Variants in NHS observed in about 807,000 individuals in gnomAD.
NHS encodes actin remodeling regulator NHS.
NHS carries 5 observed loss-of-function variants against 72.5 expected under a neutral mutation model. The observed-to-expected ratio is 0.07, with a 90% CI of 0.04 to 0.14. The LOEUF is 0.14. Ranked by LOEUF, NHS falls within the 10% of genes least tolerant of loss-of-function variation. NHS has a pLI of 1.00. For missense variants in NHS, 1,072 were observed against 1,355.7 expected, an observed-to-expected ratio of 0.79 and a Z score of 3.29; for synonymous variants, 464 against 547.7, an observed-to-expected ratio of 0.85 and a Z score of 2.13.
intron 1 of NHS, among the ~76,000 whole-genome samples, chrX:17,583,563 A>G (rs908212933): frequency 2.7e-5 from 3 of 112,480 alleles, no homozygotes; most frequent in African/African-American, 9.7e-5. Flanking sequence ...TATTTCCGCC[A>G]AAGGAATGAC....
At chrX:17,708,656 T>C (rs753537201) in intron 3 of NHS, among the ~76,000 whole-genome samples, 1 of 111,018 alleles carries the variant, frequency 9.0e-6, no homozygotes, top group East Asian at 2.8e-4. Flanking sequence ...AAACATAGTA[T>C]TTGAGAAGGC....
At chrX:17,380,414 G>A (rs1467252469) in intron 1 of NHS, among the ~76,000 whole-genome samples, 6 of 108,373 alleles carry the variant, frequency 5.5e-5, no homozygotes, top group Non-Finnish European at 7.6e-5. Flanking sequence ...CCCAGACTGG[G>A]TACAGTGACT....
At chrX:17,404,944 T>C (rs2064522079) in intron 1 of NHS, among the ~76,000 whole-genome samples, 1 of 111,402 alleles carries the variant, frequency 9.0e-6, no homozygotes, top group African/African-American at 3.3e-5. Flanking sequence ...GTACTCCCAA[T>C]TCTATAGTCA....
chrX:17,682,396 T>C (rs1014059885), intron 1 of NHS, among the ~76,000 whole-genome samples: 3 of 111,399 alleles, frequency 2.7e-5, no homozygotes, highest in Non-Finnish European at 3.8e-5. Flanking sequence ...CTCCCTGTCA[T>C]GGGGCACCAG....
At chrX:17,416,547 TC>T (rs1328131957) in intron 1 of NHS, among the ~76,000 whole-genome samples, 1 of 112,637 alleles carries the variant, frequency 8.9e-6, no homozygotes, top group African/African-American at 3.2e-5. Context: ...ATCTGCTCAC[TC>T]CATCCACTTT....
rs752441362 is a variant in NHS, at chrX:17,549,879, G to C, written c.566-137863G>C. ...TTGAGTTGGGCCACATCTTTGGTCT[G>C]GATGGGGGGACTTGAACAGGCCCCT... On this transcript the variant is annotated intron_variant, in intron 1 of 8. Transcript: ENST00000676302. 4.5e-5 allele frequency among the ~76,000 whole-genome samples: 5 copies of C among 111,393 alleles called. No homozygotes were observed. The South Asian group carries it at 1.5e-3, about 34-fold the overall frequency.
intron 1 of NHS, among the ~76,000 whole-genome samples, chrX:17,533,542 C>A (rs1352530434): frequency 1.8e-5 from 2 of 111,896 alleles, no homozygotes; most frequent in African/African-American, 6.5e-5. Context: ...GCCTCTGCTT[C>A]TCAAAGTGCT....
intron 1 of NHS, among the ~76,000 whole-genome samples, chrX:17,465,339 A>C (rs921246524): frequency 8.9e-5 from 10 of 111,764 alleles, no homozygotes; most frequent in African/African-American, 2.6e-4. Flanking sequence ...GAAGGAATTA[A>C]AGAAGCACTT....
rs1017368200 is a variant in NHS at position 17,382,025 on chromosome X, C to T, written c.565+5703C>T. ...CTCTAATGGCTTGTGAGACTGAACA[C>T]CATTTTATATAATTTTTAACTACCT... On this transcript the variant is annotated intron_variant, in intron 1 of 8. Transcript: ENST00000676302. Among the ~76,000 whole-genome samples, 9 of 112,260 alleles carry T rather than the reference C, an allele frequency of 8.0e-5. No individual in the cohort carries two copies. In the Admixed American group the frequency reaches 8.4e-4, roughly 11 times the overall value.
At chrX:17,427,548 G>A (rs2064663610) in intron 1 of NHS, among the ~76,000 whole-genome samples, 1 of 112,646 alleles carries the variant, frequency 8.9e-6, no homozygotes, top group Non-Finnish European at 1.9e-5. Context: ...GTGTTCAATG[G>A]CTGAAGCCAT....
At chrX:17,554,952 A>G (rs1046640262) in intron 1 of NHS, among the ~76,000 whole-genome samples, 1 of 110,434 alleles carries the variant, frequency 9.1e-6, no homozygotes, top group Non-Finnish European at 1.9e-5. Flanking sequence ...TGCACCCATC[A>G]ACCCGTCATC....
At chrX:17,691,596 T>G (rs1346911446) in intron 2 of NHS, among the ~76,000 whole-genome samples, 1 of 111,133 alleles carries the variant, frequency 9.0e-6, no homozygotes, top group Admixed American at 9.6e-5. Flanking sequence ...TCAAGAGTGC[T>G]CAGTTCCTAG....
At chrX:17,522,003 T>C (rs2065150790) in intron 1 of NHS, among the ~76,000 whole-genome samples, 1 of 112,195 alleles carries the variant, frequency 8.9e-6, no homozygotes, top group Admixed American at 9.4e-5. Flanking sequence ...GCAGCCCGCA[T>C]GCTCAGCCCT....
intron 1 of NHS, among the ~76,000 whole-genome samples, chrX:17,478,096 C>T (rs1246936188): frequency 2.7e-5 from 3 of 111,626 alleles, no homozygotes; most frequent in Non-Finnish European, 5.6e-5. Context: ...TAATTGTGAA[C>T]CTACTTCCAC....
At chrX:17,529,682 A>T (rs1601749020) in intron 1 of NHS, among the ~76,000 whole-genome samples, 1 of 112,257 alleles carries the variant, frequency 8.9e-6, no homozygotes, top group East Asian at 2.8e-4. Flanking sequence ...TCTTTGAATT[A>T]TGTATTCAAT....
intron 1 of NHS, among the ~76,000 whole-genome samples, chrX:17,663,033 T>C (rs1303611737): frequency 8.9e-6 from 1 of 112,034 alleles, no homozygotes; most frequent in Non-Finnish European, 1.9e-5. Context: ...TACTTTTCCT[T>C]TCCATTTTAC....
At chrX:17,467,291 G>A (rs1374224494) in intron 1 of NHS, among the ~76,000 whole-genome samples, 1 of 111,971 alleles carries the variant, frequency 8.9e-6, no homozygotes, top group Admixed American at 9.5e-5. Flanking sequence ...CTTACTAAGG[G>A]GAGTTCATCT....
intron 1 of NHS, among the ~76,000 whole-genome samples, chrX:17,435,635 G>A (rs1434536879): frequency 1.8e-5 from 2 of 113,038 alleles, no homozygotes; most frequent in Admixed American, 9.3e-5. Flanking sequence ...GCAGAAAAGG[G>A]CCAAAGGGCA....
At chrX:17,439,291 C>T in intron 1 of NHS, among the ~76,000 whole-genome samples, 1 of 110,590 alleles carries the variant, frequency 9.0e-6, no homozygotes, top group South Asian at 3.9e-4. Flanking sequence ...ATAAAAATAT[C>T]ATATATATAT....
Sources: allele counts gnomAD v4.1 joint callset (sites outside exome capture counted in the v4.1 genomes callset), GRCh38; gene constraint gnomAD v4.1.1; transcripts MANE v1.5; gene names NCBI Gene and HGNC (gene_info 2026-07-23, HGNC 2026-07-21).